EPB41L3: variants seen among roughly 807,000 people sequenced by gnomAD.
EPB41L3 encodes band 4.1-like protein 3.
In EPB41L3, 57 loss-of-function variants were observed where a neutral mutation model predicts 127.1. The ratio of observed to expected loss-of-function variants is 0.45; its 90% confidence interval spans 0.36 to 0.56. The LOEUF (loss-of-function observed/expected upper bound fraction) is 0.56. Ranked by LOEUF, EPB41L3 falls within the 20% of genes least tolerant of loss-of-function variation. The pLI is 0.00. For missense variants in EPB41L3, 1,273 were observed against 1,372.2 expected (o/e 0.93, Z 1.14); for synonymous variants, 572 against 549.5 (o/e 1.04, Z -0.57).
At chr18:5,434,469 T>A (rs1372254134) in intron 6 of EPB41L3, among the ~76,000 whole-genome samples, 3 of 152,220 alleles carry the variant, frequency 2.0e-5, no homozygotes, top group African/African-American at 7.2e-5. Flanking sequence ...CCAATACAGT[T>A]CCTGAAATCC....
chr18:5,589,547 C>G (rs560381274), intron 3 of EPB41L3, among the ~76,000 whole-genome samples: 39 of 152,200 alleles, frequency 2.6e-4, no homozygotes, highest in African/African-American at 8.9e-4. Flanking sequence ...GAGTCTTTAT[C>G]TCAGTGTAGT....
intron 3 of EPB41L3, chr18:5,610,198 G>C (rs2094709855): frequency 3.0e-6 from 3 of 985,272 alleles, no homozygotes; most frequent in Middle Eastern, 5.2e-4. Context: ...ATGATTGGCA[G>C]GTCCATATTC....
intron 14 of EPB41L3, among the ~76,000 whole-genome samples, chr18:5,407,986 C>T (rs1162972379): frequency 1.3e-5 from 2 of 152,054 alleles, no homozygotes; most frequent in East Asian, 1.9e-4. Flanking sequence ...AGCAGACACA[C>T]GTGGTTGAGA....
rs751392387 is a variant in EPB41L3 at position 5,434,003 on chromosome 18, G to C, written c.724C>G (p.Pro242Ala). 1.2e-5 allele frequency: 19 copies of C among 1,614,100 alleles called. No individual in the cohort carries two copies. The highest frequency in any genetic ancestry group is 1.4e-5 in the Non-Finnish European group (17 of 1,180,020). ...TVQSELGDYD[P>A]DECGSDYISE... ...ATGTAATCGCTCCCACATTCATCTG[G>C]GTCATAGTCTCCGAGCTCTGACTGG... Residue 242 changes from proline (P) to alanine (A), a missense_variant, in exon 7 of 23, where the codon CCA becomes GCA. By Grantham distance (27) the Pro-to-Ala change is conservative (BLOSUM62 -1). Around this residue, in one of 3 missense-constraint regions of EPB41L3, gnomAD observed 326 missense variants for 440.2 expected, o/e 0.74. Coordinates refer to ENST00000341928, the MANE Select transcript of EPB41L3 (RefSeq NM_012307.5).
chr18:5,444,439 C>T (rs1169611310), intron 4 of EPB41L3, among the ~76,000 whole-genome samples: 1 of 152,132 alleles, frequency 6.6e-6, no homozygotes, highest in Non-Finnish European at 1.5e-5. Context: ...GGCACAACAC[C>T]AAAATGAGTA....
rs771220947 is a variant in EPB41L3 at position 5,407,237 on chromosome 18, T to C, written c.2158-269A>G. On this transcript the variant is annotated intron_variant, in intron 15 of 22. Transcript: ENST00000341928. ...CTATAAAGAGTACAATTCACATGTA[T>C]CCTGAGAGAATTAAAATAAATATAC... is the stretch of plus-strand genomic sequence containing the variant. The C allele has an allele frequency of 1.9e-4, 86 of 461,974 alleles. 1 individual carries two copies. The highest frequency in any genetic ancestry group is 1.5e-3 in the East Asian group (40 of 26,950). 28.6% of individuals were successfully genotyped at this position (461,974 alleles called of 1,614,324 possible). A position where few individuals can be genotyped will look rare whatever the true frequency, so the allele number is the denominator to read the frequency against.
At chr18:5,452,204 C>G (rs1194851601) in intron 3 of EPB41L3, among the ~76,000 whole-genome samples, 1 of 152,074 alleles carries the variant, frequency 6.6e-6, no homozygotes, top group Non-Finnish European at 1.5e-5. Flanking sequence ...TATGGCTGAA[C>G]AGTCACTTTA....
intron 3 of EPB41L3, among the ~76,000 whole-genome samples, chr18:5,574,878 T>G (rs2094322181): frequency 1.3e-5 from 2 of 152,190 alleles, no homozygotes; most frequent in Non-Finnish European, 2.9e-5. Context: ...GCTGTGAGTA[T>G]GACCATATGC....
intron 3 of EPB41L3, among the ~76,000 whole-genome samples, chr18:5,477,708 T>C (rs1410422897): frequency 6.6e-6 from 1 of 152,176 alleles, no homozygotes; most frequent in African/African-American, 2.4e-5. Context: ...ATCTGTTTTC[T>C]TTACAAAGAA....
chr18:5,428,486 A>C (rs1407698097), intron 8 of EPB41L3, 21 bp from the exon 9 acceptor site: 1 of 1,613,910 alleles, frequency 6.2e-7, no homozygotes, highest in Non-Finnish European at 8.5e-7. Flanking sequence ...AAAGCAAGAA[A>C]CAACAGATCA....
chr18:5,519,164 GT>G (rs934056165), intron 1 of EPB41L3, among the ~76,000 whole-genome samples: 2 of 152,200 alleles, frequency 1.3e-5, no homozygotes, highest in Non-Finnish European at 2.9e-5. Context: ...TTCAATAGCT[GT>G]TTTTTGTGAA....
At chr18:5,408,661 TA>T (rs2075814676) in intron 14 of EPB41L3, among the ~76,000 whole-genome samples, 2 of 151,630 alleles carry the variant, frequency 1.3e-5, no homozygotes, top group East Asian at 2.0e-4. Flanking sequence ...TTTTTTTTTT[TA>T]AAAGAAGTCA....
chr18:5,603,751 C>T (rs1785420), intron 3 of EPB41L3, among the ~76,000 whole-genome samples: 68,568 of 151,756 alleles, frequency 0.45, 16,672 homozygotes, highest in Middle Eastern at 0.58. Context: ...CATGGTGGTA[C>T]GTGCTTATAG....
At chr18:5,617,151 GT>G (rs1375361599) in intron 1 of EPB41L3, among the ~76,000 whole-genome samples, 1 of 151,794 alleles carries the variant, frequency 6.6e-6, no homozygotes, top group Non-Finnish European at 1.5e-5. Flanking sequence ...ACTTTATATT[GT>G]TTTTATATAC....
chr18:5,562,632 G>T (rs944752544), intron 3 of EPB41L3, among the ~76,000 whole-genome samples: 1 of 152,214 alleles, frequency 6.6e-6, no homozygotes, highest in Non-Finnish European at 1.5e-5. Context: ...CTGGCGCATT[G>T]TCAGAACCCA....
At chr18:5,552,509 AAAATT>A (rs1197302522) in intron 3 of EPB41L3, among the ~76,000 whole-genome samples, 2 of 152,210 alleles carry the variant, frequency 1.3e-5, no homozygotes, top group African/African-American at 2.4e-5. Flanking sequence ...AAATATTTGA[AAAATT>A]AGAGGAGCCA....
intron 3 of EPB41L3, among the ~76,000 whole-genome samples, chr18:5,472,254 T>A (rs2086283002): frequency 6.6e-6 from 1 of 152,176 alleles, no homozygotes; most frequent in African/African-American, 2.4e-5. Context: ...AAATGAGACA[T>A]TGCATGTTAA....
Position 5,410,609 on chromosome 18 carries a change from T to G in EPB41L3, c.2078A>C (p.Glu693Ala). 6.2e-7 allele frequency: 1 copy of G among 1,613,468 alleles called. No homozygotes were observed. Among genetic ancestry groups the G allele is most frequent in the Non-Finnish European group, 8.5e-7 (1 of 1,179,620 alleles). The change falls in exon 14 of 23, where the codon GAG (glutamate) becomes GCG (alanine). Residue 693 changes from glutamate (E) to alanine (A), a missense_variant. Transcript: ENST00000341928. ...SDSSEEETDS[E>A]RTDTAADGET... ...CCCGTCGGCTGCGGTGTCCGTGCGCTCACTGTCAGTCTGTTGACCACAGAA... is the reference window on the plus strand; with the variant it reads ...CCCGTCGGCTGCGGTGTCCGTGCGCGCACTGTCAGTCTGTTGACCACAGAA...
chr18:5,458,601 C>T (rs1177755530), intron 3 of EPB41L3, among the ~76,000 whole-genome samples: 1 of 152,078 alleles, frequency 6.6e-6, no homozygotes, highest in Non-Finnish European at 1.5e-5. Context: ...AATTCAAACT[C>T]CTGGATAACT....
Sources: gnomAD v4.1 joint callset for allele counts (sites outside exome capture counted in the v4.1 genomes callset) on GRCh38, gnomAD v4.1.1 for gene constraint, gnomAD v4.1.1 regional missense constraint, MANE v1.5 for transcripts, NCBI Gene and HGNC (gene_info 2026-07-23, HGNC 2026-07-21) for gene names.